The following GPR89B variants were observed in gnomAD, a reference collection of about 807,000 sequenced individuals.
GPR89B encodes the protein golgi pH regulator B.
GPR89B carries 25 observed loss-of-function variants against 52.4 expected under a neutral mutation model. The observed-to-expected ratio is 0.48, with a 90% CI of 0.35 to 0.67. GPR89B has a LOEUF of 0.67. Ranked by LOEUF, GPR89B falls within the 30% of genes least tolerant of loss-of-function variation. The pLI is 0.01. For missense variants in GPR89B, 146 were observed against 450.2 expected (o/e 0.32, Z 6.11); for synonymous variants, 52 against 151.2 (o/e 0.34, Z 4.81).
chr1:148,017,970 C>A, the GPR89B span, among the ~76,000 whole-genome samples: 15 of 143,376 alleles, frequency 1.0e-4, no homozygotes, highest in Admixed American at 1.0e-3. Flanking sequence ...TTGCTGAGAG[C>A]AGCCACCATA....
At chr1:148,009,679 C>T in the GPR89B span, 2 of 648,816 alleles carry the variant, frequency 3.1e-6, no homozygotes, top group Non-Finnish European at 5.4e-6. Flanking sequence ...AATATCTGGC[C>T]CTGGAGATGC....
chr1:147,958,611 G>T (rs1175394725), intron 7 of GPR89B, among the ~76,000 whole-genome samples: 1 of 147,614 alleles, frequency 6.8e-6, no homozygotes, highest in African/African-American at 2.6e-5. Context: ...CTGCACTCCA[G>T]CCTGGGGGCA....
At chr1:147,984,918 A>AATATT (rs1422897789) in intron 10 of GPR89B, among the ~76,000 whole-genome samples, 3 of 152,158 alleles carry the variant, frequency 2.0e-5, no homozygotes. Context: ...TCCCAGACAG[A>AATATT]ATATGGTGAT....
the GPR89B span, chr1:148,009,224 T>C: frequency 1.3e-5 from 15 of 1,114,468 alleles, no homozygotes; most frequent in Non-Finnish European, 1.8e-5. Flanking sequence ...TGTTGCAAGC[T>C]ATCTATAGCA....
chr1:147,987,958 A>G (rs1484221000), intron 11 of GPR89B, among the ~76,000 whole-genome samples: 11 of 152,106 alleles, frequency 7.2e-5, no homozygotes, highest in African/African-American at 2.7e-4. Context: ...TAATCAAGGT[A>G]TTATTTAGTT....
At chr1:147,962,244 C>T (rs1430625567) in intron 7 of GPR89B, among the ~76,000 whole-genome samples, 17 of 149,792 alleles carry the variant, frequency 1.1e-4, no homozygotes, top group Admixed American at 1.0e-3. Flanking sequence ...ACCAATATGG[C>T]GAAACCCCGT....
the GPR89B span, among the ~76,000 whole-genome samples, chr1:147,999,768 G>A: frequency 6.6e-6 from 1 of 151,496 alleles, no homozygotes; most frequent in African/African-American, 2.4e-5. Context: ...TCTTGAAACC[G>A]GACACAATAT....
intron 5 of GPR89B, among the ~76,000 whole-genome samples, chr1:147,948,804 A>C (rs1380791399): frequency 6.9e-6 from 1 of 144,346 alleles, no homozygotes; most frequent in African/African-American, 2.6e-5. Flanking sequence ...GGTGTTTCTC[A>C]CAGAGGGGGA....
At position 147,942,303 on chromosome 1, in the gene GPR89B, A is replaced by C. The variant is rs184796260; in HGVS notation, c.207-1135A>C. Among the ~76,000 whole-genome samples the C allele has an allele frequency of 4.8e-3, 715 of 148,906 alleles. 8 individuals carry two copies. Among genetic ancestry groups the C allele is most frequent in the African/African-American group, 0.013 (546 of 40,718 alleles). ...TAAAATGGCTATAACCAAAAAAAAA[A>C]CAGAAAATAACAAGTGTTGGCGAGG... On this transcript the variant is annotated intron_variant, in intron 3 of 13. Coordinates refer to ENST00000314163, the MANE Select transcript of GPR89B (RefSeq NM_016334.5).
the GPR89B span, among the ~76,000 whole-genome samples, chr1:147,998,852 G>A: frequency 7.4e-6 from 1 of 136,030 alleles, no homozygotes; most frequent in South Asian, 2.2e-4. Context: ...TTGCACTCCA[G>A]CTTGGACAAC....
At chr1:148,007,008 T>C in the GPR89B span, among the ~76,000 whole-genome samples, 2 of 151,790 alleles carry the variant, frequency 1.3e-5, no homozygotes, top group South Asian at 2.1e-4. Context: ...TGAGCCACTG[T>C]GCCCAGCCAC....
chr1:147,985,069 C>T (rs1658567175), intron 10 of GPR89B, among the ~76,000 whole-genome samples: 1 of 152,146 alleles, frequency 6.6e-6, no homozygotes, highest in African/African-American at 2.4e-5. Context: ...GAGAGGGGAT[C>T]CAGCTATTGT....
At chr1:148,000,050 C>G in the GPR89B span, among the ~76,000 whole-genome samples, 1,508 of 152,254 alleles carry the variant, frequency 9.9e-3, 23 homozygotes, top group African/African-American at 0.035. Flanking sequence ...CTTGGACTAT[C>G]AAGTTTCTGG....
chr1:147,941,986 C>T (rs1418013460), intron 3 of GPR89B, among the ~76,000 whole-genome samples: 1 of 147,374 alleles, frequency 6.8e-6, no homozygotes, highest in African/African-American at 2.5e-5. Flanking sequence ...AGTTTAAAAT[C>T]AGTAAATACA....
Position 147,943,793 on chromosome 1 carries a change from C to T in GPR89B, c.314-204C>T, listed in dbSNP as rs587630020. Among the ~76,000 whole-genome samples, 94 of 152,216 alleles carry T rather than the reference C, an allele frequency of 6.2e-4. No homozygotes were observed. The South Asian group carries it at 0.015, about 24-fold the overall frequency. On this transcript the variant is annotated intron_variant, in intron 4 of 13. Transcript: ENST00000314163. ...TTTTTCTACCTATTAATAATGTCTC[C>T]GTTAGTTCATCCCACACCTTAAATT...
At chr1:148,004,170 T>C in the GPR89B span, among the ~76,000 whole-genome samples, 931 of 148,234 alleles carry the variant, frequency 6.3e-3, 15 homozygotes, top group African/African-American at 0.022. Flanking sequence ...CTTTTTTTTT[T>C]TTTTGAGATG....
intron 7 of GPR89B, among the ~76,000 whole-genome samples, chr1:147,964,638 A>G (rs1656899957): frequency 1.3e-5 from 2 of 151,912 alleles, no homozygotes; most frequent in African/African-American, 2.4e-5. Context: ...ATTTGATAAG[A>G]GCAAAATTGG....
the GPR89B span, among the ~76,000 whole-genome samples, chr1:148,019,937 G>A: frequency 2.0e-5 from 3 of 151,550 alleles, no homozygotes; most frequent in Non-Finnish European, 4.4e-5. Context: ...TGTTTTCCAG[G>A]AACTCAAAAG....
At chr1:148,021,395 A>G in the GPR89B span, among the ~76,000 whole-genome samples, 1 of 151,824 alleles carries the variant, frequency 6.6e-6, no homozygotes, top group Non-Finnish European at 1.5e-5. Flanking sequence ...CCAGCTACTC[A>G]GGAGGCCGAG....
Sources: allele counts gnomAD v4.1 joint callset (sites outside exome capture counted in the v4.1 genomes callset), GRCh38; gene constraint gnomAD v4.1.1; transcripts MANE v1.5; gene names NCBI Gene and HGNC (gene_info 2026-07-23, HGNC 2026-07-21).